The following RAB9B variants were observed in gnomAD, a reference collection of about 807,000 sequenced individuals.
The protein encoded by RAB9B is RAB9B, member RAS oncogene family, also known as ras-related protein Rab-9B.
Under a neutral mutation model 8.9 loss-of-function variants are expected in RAB9B, and 1 was observed. The observed-to-expected ratio is 0.11, with a 90% confidence interval of 0.04 to 0.53. The LOEUF is 0.53. Among genes scored for constraint, RAB9B ranks in the 20% least tolerant of loss-of-function variants. The pLI, the probability that RAB9B is intolerant of heterozygous loss-of-function variation, is 0.93. For missense variants in RAB9B, 82 were observed against 152.9 expected (o/e 0.54, Z 2.45); for synonymous variants, 63 against 57.0 (o/e 1.10, Z -0.47).
the RAB9B span, among the ~76,000 whole-genome samples, chrX:103,790,067 C>A: frequency 8.9e-6 from 1 of 112,163 alleles, no homozygotes; most frequent in East Asian, 2.8e-4. Context: ...CTGGCCCCTA[C>A]TGCTGAGGTT....
chrX:103,820,538 A>G (rs1227499397), downstream of RAB9B, among the ~76,000 whole-genome samples: 2 of 111,997 alleles, frequency 1.8e-5, no homozygotes, highest in African/African-American at 3.3e-5. Flanking sequence ...CTATCGCCAA[A>G]CCATTTCCAA....
At chrX:103,790,385 A>G in the RAB9B span, 6 of 558,672 alleles carry the variant, frequency 1.1e-5, no homozygotes, top group African/African-American at 2.2e-5. Context: ...CAAGCCTGGG[A>G]TGTACTGCTT....
At chrX:103,805,159 G>A in the RAB9B span, among the ~76,000 whole-genome samples, 1 of 111,904 alleles carries the variant, frequency 8.9e-6, no homozygotes, top group Admixed American at 9.5e-5. Flanking sequence ...TGCCCTTTAT[G>A]AGGTTAAGGA....
chrX:103,787,539 T>C, the RAB9B span: 1 of 429,394 alleles, frequency 2.3e-6, no homozygotes, highest in Non-Finnish European at 4.1e-6. Flanking sequence ...AAACATCCTC[T>C]GAAGCCTCTC....
chrX:103,790,907 T>C, the RAB9B span: 47 of 323,860 alleles, frequency 1.5e-4, no homozygotes, highest in Admixed American at 1.8e-3. Context: ...AAGCATCTCC[T>C]GAGGATCAGA....
chrX:103,789,781 T>C, the RAB9B span, among the ~76,000 whole-genome samples: 18 of 111,998 alleles, frequency 1.6e-4, no homozygotes, highest in Non-Finnish European at 2.6e-4. Flanking sequence ...TGCTATAGCC[T>C]GGAATTCTAT....
At chrX:103,819,194 T>C (rs1366502114), downstream of RAB9B, among the ~76,000 whole-genome samples, 1 of 112,104 alleles carries the variant, frequency 8.9e-6, no homozygotes, top group Non-Finnish European at 1.9e-5. Context: ...AATTAAGAGC[T>C]ATTTCTTTCA....
the RAB9B span, among the ~76,000 whole-genome samples, chrX:103,796,430 C>T: frequency 2.7e-5 from 3 of 111,758 alleles, no homozygotes; most frequent in African/African-American, 3.3e-5. Context: ...GATTGTGCCA[C>T]TGCACTCCAG....
chrX:103,806,761 T>C, the RAB9B span, among the ~76,000 whole-genome samples: 4 of 111,783 alleles, frequency 3.6e-5, no homozygotes, highest in Non-Finnish European at 5.6e-5. Flanking sequence ...TTTTGCATTA[T>C]GTATTTTGAG....
downstream of RAB9B, among the ~76,000 whole-genome samples, chrX:103,820,714 G>A: frequency 9.0e-6 from 1 of 110,638 alleles, no homozygotes; most frequent in Non-Finnish European, 1.9e-5. Context: ...ACTTTGGGAG[G>A]CCAGGTGGGT....
rs2074676006 is a variant in RAB9B, at chrX:103,824,623, C to T, written c.*556G>A. The T allele has an allele frequency of 3.6e-5, 4 of 112,053 alleles. No homozygotes were observed. In the South Asian group the frequency reaches 1.5e-3, roughly 42 times the overall value. 9.2% of individuals were successfully genotyped at this position (112,053 alleles called of 1,213,427 possible). On this transcript the variant is annotated 3_prime_UTR_variant, in exon 3 of 3. Transcript: ENST00000243298. The stretch of plus-strand genomic sequence containing the variant: ...AGCGAACCATACATAAGGATTTAAA[C>T]AAGTCAGTGTATATCATTATACTTT...
the RAB9B span, chrX:103,786,025 G>A: frequency 4.5e-6 from 4 of 881,412 alleles, no homozygotes; most frequent in African/African-American, 2.1e-5. Flanking sequence ...ACTTCTGCTA[G>A]GTGTGGTTCA....
At chrX:103,788,595 A>T in the RAB9B span, 2 of 761,277 alleles carry the variant, frequency 2.6e-6, no homozygotes, top group Non-Finnish European at 4.1e-6. Flanking sequence ...TAAGGACTGA[A>T]AGTTTCCCTT....
the RAB9B span, among the ~76,000 whole-genome samples, chrX:103,784,561 G>T: frequency 8.9e-6 from 1 of 111,944 alleles, no homozygotes. Flanking sequence ...AAACTAAGAA[G>T]AATCAAGCAT....
At chrX:103,826,158 T>G (rs1034792653) in intron 2 of RAB9B, among the ~76,000 whole-genome samples, 1 of 111,959 alleles carries the variant, frequency 8.9e-6, no homozygotes, top group African/African-American at 3.2e-5. Flanking sequence ...GTGACAACTT[T>G]AGCTTCCGGT....
At chrX:103,827,311 A>G (rs2074687044) in intron 1 of RAB9B, among the ~76,000 whole-genome samples, 1 of 111,799 alleles carries the variant, frequency 8.9e-6, no homozygotes, top group Non-Finnish European at 1.9e-5. Flanking sequence ...AATTTATATA[A>G]TTTTTTACAT....
At chrX:103,819,866 AG>A (rs954433017), downstream of RAB9B, among the ~76,000 whole-genome samples, 1 of 112,331 alleles carries the variant, frequency 8.9e-6, no homozygotes, top group African/African-American at 3.2e-5. Context: ...TTTTATCAAA[AG>A]GTGTATGCTA....
Position 103,825,395 on chromosome X carries a change from A to G in RAB9B, c.390T>C (p.Asp130=), listed in dbSNP as rs138871861. Residue 130 remains aspartate (D), a synonymous_variant, in exon 3 of 3, where the codon GAT becomes GAC. Transcript: ENST00000243298. ...GTGCCTCCTCAGTAGTCACTTGCCT[A>G]TCCTCTTTGTCTACCTTGTTACCCA... ...VVLGNKVDKE[D]RQVTTEEAQT... The G allele has an allele frequency of 2.5e-6, 3 of 1,211,889 alleles. No homozygotes were observed. The highest frequency in any genetic ancestry group is 1.7e-5 in the African/African-American group (1 of 57,815).
chrX:103,803,280 T>C, the RAB9B span, among the ~76,000 whole-genome samples: 4 of 112,270 alleles, frequency 3.6e-5, no homozygotes, highest in Non-Finnish European at 5.6e-5. Context: ...TGTCAGACTG[T>C]TTTCCATAGT....
Sources: gnomAD v4.1 joint callset for allele counts (sites outside exome capture counted in the v4.1 genomes callset) on GRCh38, gnomAD v4.1.1 for gene constraint, MANE v1.5 for transcripts, NCBI Gene and HGNC (gene_info 2026-07-23, HGNC 2026-07-21) for gene names.